ERAP1: variants seen among roughly 807,000 people sequenced by gnomAD.
ERAP1 encodes endoplasmic reticulum aminopeptidase 1.
Under a neutral mutation model 103.7 loss-of-function variants are expected in ERAP1, and 86 were observed. The observed-to-expected ratio is 0.83, with a 90% CI of 0.70 to 0.99. The LOEUF is 0.99. ERAP1 is among the 50% of genes least tolerant of loss of function. The pLI is 0.00. For missense variants in ERAP1, 1,009 were observed against 1,128.4 expected (o/e 0.89, Z 1.52); for synonymous variants, 398 against 402.4 (o/e 0.99, Z 0.13).
At chr5:96,819,608 G>C in the ERAP1 span, among the ~76,000 whole-genome samples, 1 of 152,074 alleles carries the variant, frequency 6.6e-6, no homozygotes, top group South Asian at 2.1e-4. Flanking sequence ...TTCAAAACTT[G>C]TTATACCGTA....
the ERAP1 span, among the ~76,000 whole-genome samples, chr5:96,887,303 CTT>C: frequency 4.4e-5 from 6 of 137,498 alleles, no homozygotes; most frequent in Admixed American, 7.3e-5. Context: ...TTGTTTCCGA[CTT>C]TTTTTTTTTT....
chr5:96,794,157 C>CTT (rs1216957100), intron 5 of ERAP1, among the ~76,000 whole-genome samples, 200 bp from the exon 6 acceptor site: 1 of 134,112 alleles, frequency 7.5e-6, no homozygotes, highest in African/African-American at 2.8e-5. Flanking sequence ...CAAAGTCAGA[C>CTT]TTGCATCTCA....
At chr5:96,887,302 A>C in the ERAP1 span, among the ~76,000 whole-genome samples, 1 of 118,658 alleles carries the variant, frequency 8.4e-6, no homozygotes, top group African/African-American at 3.2e-5. Context: ...GTTGTTTCCG[A>C]CTTTTTTTTT....
At chr5:96,932,041 G>A in the ERAP1 span, among the ~76,000 whole-genome samples, 5 of 152,130 alleles carry the variant, frequency 3.3e-5, no homozygotes, top group South Asian at 2.1e-4. Context: ...ATTTGGCTGC[G>A]TTTTTTTGCT....
chr5:96,869,727 G>C, the ERAP1 span, among the ~76,000 whole-genome samples: 104 of 152,340 alleles, frequency 6.8e-4, no homozygotes, highest in African/African-American at 2.5e-3. Context: ...ATCTGACCAT[G>C]AAGACTGTGG....
At chr5:96,915,396 T>C in the ERAP1 span, among the ~76,000 whole-genome samples, 1 of 152,166 alleles carries the variant, frequency 6.6e-6, no homozygotes, top group Non-Finnish European at 1.5e-5. Flanking sequence ...ACAAAAAAAG[T>C]AGGGAACACT....
Position 96,803,647 on chromosome 5 carries a change from T to C in ERAP1, c.280A>G (p.Ile94Val), listed in dbSNP as rs766211038. ...ITASQPTSTI[I>V]LHSHHLQISR... ...ATCTGCAGGTGGTGACTATGCAGGA[T>C]GATGGTGCTGGTGGGCTGACTGGCT... The change falls in exon 2 of 19, where the codon ATC becomes GTC. Residue 94 changes from isoleucine to valine, a missense_variant. Ile to Val is a conservative substitution (Grantham distance 29). Coordinates refer to ENST00000443439, the MANE Select transcript of ERAP1 (RefSeq NM_001040458.3). 19 of 1,614,186 alleles carry C rather than the reference T, an allele frequency of 1.2e-5. No homozygotes were observed. The highest frequency in any genetic ancestry group is 1.4e-5 in the Non-Finnish European group (17 of 1,180,036).
chr5:96,883,859 T>C, the ERAP1 span: 5 of 1,613,888 alleles, frequency 3.1e-6, no homozygotes, highest in Non-Finnish European at 3.4e-6. Context: ...TGATGAACCG[T>C]TGTTCAAAGC....
chr5:96,864,769 C>A, the ERAP1 span, among the ~76,000 whole-genome samples: 2 of 151,732 alleles, frequency 1.3e-5, no homozygotes, highest in East Asian at 3.9e-4. Context: ...TAGTAATTTT[C>A]TTAGAATATT....
chr5:96,876,538 A>C, the ERAP1 span: 2 of 152,360 alleles, frequency 1.3e-5, no homozygotes, highest in South Asian at 4.1e-4. Flanking sequence ...GTAACGTATC[A>C]ACATTTCTCT....
intron 13 of ERAP1, chr5:96,785,132 T>G (rs1775815206): frequency 6.4e-6 from 1 of 155,720 alleles, no homozygotes. Context: ...TAGGTCTGCC[T>G]ACATGTTGAA....
At chr5:96,844,329 T>C in the ERAP1 span, among the ~76,000 whole-genome samples, 2 of 152,196 alleles carry the variant, frequency 1.3e-5, no homozygotes, top group Non-Finnish European at 2.9e-5. Flanking sequence ...TACTTACTGC[T>C]CTGTTTCCTG....
chr5:96,816,978 G>T, the ERAP1 span, among the ~76,000 whole-genome samples: 1 of 152,160 alleles, frequency 6.6e-6, no homozygotes, highest in Admixed American at 6.5e-5. Context: ...GTGAGTTTTG[G>T]ACTATACATT....
chr5:96,898,021 C>T, the ERAP1 span, among the ~76,000 whole-genome samples: 2 of 152,100 alleles, frequency 1.3e-5, no homozygotes. Flanking sequence ...ATTCGTGGAA[C>T]CCCGTCTGTA....
the ERAP1 span, chr5:96,902,469 A>T: frequency 1.5e-6 from 1 of 646,310 alleles, no homozygotes; most frequent in Non-Finnish European, 2.7e-6. Flanking sequence ...TATTTGAGGG[A>T]AGTTGTCATT....
chr5:96,850,298 G>A, the ERAP1 span, among the ~76,000 whole-genome samples: 8 of 152,204 alleles, frequency 5.3e-5, no homozygotes, highest in South Asian at 1.2e-3. Flanking sequence ...AGAGTGAAGA[G>A]ACAACCCACA....
the ERAP1 span, among the ~76,000 whole-genome samples, chr5:96,870,806 C>G: frequency 3.3e-5 from 5 of 152,186 alleles, no homozygotes; most frequent in Admixed American, 2.0e-4. Context: ...AGGACCAGAG[C>G]AGAGACTTAT....
chr5:96,846,340 G>A, the ERAP1 span, among the ~76,000 whole-genome samples: 42 of 152,130 alleles, frequency 2.8e-4, no homozygotes, highest in Non-Finnish European at 5.6e-4. Flanking sequence ...TGACCAGTAG[G>A]TCTGAAAGTT....
downstream of ERAP1, chr5:96,770,264 A>G: frequency 4.7e-6 from 2 of 423,264 alleles, no homozygotes; most frequent in Non-Finnish European, 8.8e-6. Context: ...GATTAGCAAA[A>G]TAAGGTCTGG....
Sources: gnomAD v4.1 joint callset for allele counts (sites outside exome capture counted in the v4.1 genomes callset) on GRCh38, gnomAD v4.1.1 for gene constraint, MANE v1.5 for transcripts, NCBI Gene and HGNC (gene_info 2026-07-23, HGNC 2026-07-21) for gene names.